SPOCK3: variants seen among roughly 807,000 people sequenced by gnomAD.
SPOCK3 encodes SPARC (osteonectin), cwcv and kazal like domains proteoglycan 3.
In SPOCK3, 30 loss-of-function variants were observed where a neutral mutation model predicts 56.6. The observed-to-expected ratio is 0.53, with a 90% CI of 0.40 to 0.72. The LOEUF (loss-of-function observed/expected upper bound fraction) is 0.72. Among genes scored for constraint, SPOCK3 ranks in the 30% least tolerant of loss-of-function variants. The pLI is 0.00. For synonymous variants in SPOCK3, 196 were observed against 183.3 expected (o/e 1.07, Z -0.56); for missense variants, 527 against 530.0 (o/e 0.99, Z 0.06).
At chr4:166,795,324 C>T (rs1741820087) in intron 6 of SPOCK3, among the ~76,000 whole-genome samples, 1 of 152,038 alleles carries the variant, frequency 6.6e-6, no homozygotes, top group South Asian at 2.1e-4. Context: ...ACTGTATAGT[C>T]GCATCCCAGA....
intron 7 of SPOCK3, among the ~76,000 whole-genome samples, chr4:166,767,275 G>A (rs1306934024): frequency 6.6e-6 from 1 of 152,136 alleles, no homozygotes; most frequent in African/African-American, 2.4e-5. Flanking sequence ...TTTTAATTGT[G>A]ATGTTAGGGT....
At chr4:167,029,528 T>C (rs1752060465) in intron 3 of SPOCK3, among the ~76,000 whole-genome samples, 1 of 152,070 alleles carries the variant, frequency 6.6e-6, no homozygotes, top group Non-Finnish European at 1.5e-5. Flanking sequence ...TTACATTTGC[T>C]TTAAGATTAT....
intron 6 of SPOCK3, among the ~76,000 whole-genome samples, chr4:166,869,570 A>G (rs2126939817): frequency 6.6e-6 from 1 of 151,982 alleles, no homozygotes; most frequent in East Asian, 1.9e-4. Context: ...ATAGCATTAT[A>G]CACCAGTACA....
rs569056117 is a variant in SPOCK3, at chr4:166,737,631, A to G, written c.995-27T>C. On this transcript the variant is annotated intron_variant, in intron 9 of 10. Transcript: ENST00000357545. ...TGTTGAAACAACACACAGGCATACA[A>G]ACACACACATGTAGTTTATGAATAA... The G allele has an allele frequency of 5.6e-6, 9 of 1,593,234 alleles. No homozygotes were observed. In the African/African-American group the frequency reaches 6.7e-5, roughly 12 times the overall value.
intron 2 of SPOCK3, among the ~76,000 whole-genome samples, chr4:167,095,102 C>A (rs1337833642): frequency 6.6e-6 from 1 of 152,066 alleles, no homozygotes; most frequent in Non-Finnish European, 1.5e-5. Context: ...ATAAGGCCCA[C>A]CCACATTGAG....
At chr4:167,037,063 T>C (rs1353115420) in intron 3 of SPOCK3, among the ~76,000 whole-genome samples, 3 of 152,148 alleles carry the variant, frequency 2.0e-5, no homozygotes, top group Non-Finnish European at 2.9e-5. Context: ...CAAAAGAGAT[T>C]GTAGAGTTGA....
At chr4:167,013,752 T>G (rs1750327421) in intron 3 of SPOCK3, among the ~76,000 whole-genome samples, 1 of 152,022 alleles carries the variant, frequency 6.6e-6, no homozygotes, top group Non-Finnish European at 1.5e-5. Context: ...AATATGGCGA[T>G]TTTGGCTTTG....
At chr4:167,098,264 CT>C (rs1166230596) in intron 2 of SPOCK3, among the ~76,000 whole-genome samples, 1 of 151,974 alleles carries the variant, frequency 6.6e-6, no homozygotes, top group Non-Finnish European at 1.5e-5. Flanking sequence ...CTATGAGAAC[CT>C]GCTGGAAATT....
chr4:167,014,657 A>AT (rs954926292), intron 3 of SPOCK3, among the ~76,000 whole-genome samples: 2 of 151,746 alleles, frequency 1.3e-5, no homozygotes, highest in Admixed American at 6.6e-5. Context: ...CCTGTTTTTA[A>AT]TTTTTTTTAA....
intron 6 of SPOCK3, among the ~76,000 whole-genome samples, chr4:166,839,543 C>A (rs1284376545): frequency 6.6e-6 from 1 of 152,024 alleles, no homozygotes; most frequent in East Asian, 1.9e-4. Flanking sequence ...AGGAGAGTCC[C>A]AGAACTGCCC....
intron 3 of SPOCK3, among the ~76,000 whole-genome samples, chr4:167,040,377 G>C (rs529563836): frequency 1.3e-5 from 2 of 152,310 alleles, no homozygotes; most frequent in East Asian, 3.9e-4. Context: ...GTTATTTCAT[G>C]TAACTTTAGG....
rs1159750199 is a variant in SPOCK3 at position 166,787,735 on chromosome 4, T to C, written c.709+4435A>G. ...GGCGAAAATGACTGGTTTTATATTA[T>C]TTAATAAAACATAGTGATGATTCTA... On this transcript the variant is annotated intron_variant, in intron 7 of 10. Transcript: ENST00000357545. Among the ~76,000 whole-genome samples the C allele has an allele frequency of 2.6e-5, 4 of 152,182 alleles. No homozygotes were observed. The East Asian group carries it at 7.7e-4, about 29-fold the overall frequency.
At chr4:167,144,723 G>GA (rs60489300) in intron 2 of SPOCK3, among the ~76,000 whole-genome samples, 104,655 of 141,868 alleles carry the variant, frequency 0.74, 39,207 homozygotes, top group African/African-American at 0.88. Flanking sequence ...AGATATCTAG[G>GA]AAAAAAAAAA....
intron 2 of SPOCK3, among the ~76,000 whole-genome samples, chr4:167,180,216 T>TA (rs1240506454): frequency 1.3e-4 from 19 of 152,000 alleles, no homozygotes; most frequent in Admixed American, 9.8e-4. Flanking sequence ...CTCAGGGTCT[T>TA]AAAAAAACCC....
At chr4:167,210,339 A>G (rs1348059154) in intron 2 of SPOCK3, among the ~76,000 whole-genome samples, 5 of 152,102 alleles carry the variant, frequency 3.3e-5, no homozygotes, top group South Asian at 2.1e-4. Context: ...ATCACCTCCC[A>G]CTACAGATGT....
chr4:166,839,624 G>A (rs1000467723), intron 6 of SPOCK3, among the ~76,000 whole-genome samples: 1 of 152,066 alleles, frequency 6.6e-6, no homozygotes, highest in Non-Finnish European at 1.5e-5. Context: ...CGAAAAACTA[G>A]GGAAAATCTC....
intron 8 of SPOCK3, among the ~76,000 whole-genome samples, chr4:166,751,925 A>G (rs2126475911): frequency 6.6e-6 from 1 of 152,320 alleles, no homozygotes; most frequent in Non-Finnish European, 1.5e-5. Context: ...TCATGATTTT[A>G]GAAAATTAGC....
intron 4 of SPOCK3, among the ~76,000 whole-genome samples, chr4:166,954,827 G>A (rs867601621): frequency 8.5e-5 from 13 of 152,176 alleles, no homozygotes; most frequent in East Asian, 5.8e-4. Context: ...TCCCCCACCC[G>A]CAGGTCCAGG....
intron 2 of SPOCK3, among the ~76,000 whole-genome samples, chr4:167,122,294 C>G (rs536343582): frequency 7.9e-5 from 12 of 152,198 alleles, no homozygotes; most frequent in Non-Finnish European, 1.3e-4. Flanking sequence ...GTAGCTGGGA[C>G]AGGCGTGAGC....
Sources: gnomAD v4.1 joint callset for allele counts (sites outside exome capture counted in the v4.1 genomes callset) on GRCh38, gnomAD v4.1.1 for gene constraint, MANE v1.5 for transcripts, NCBI Gene and HGNC (gene_info 2026-07-23, HGNC 2026-07-21) for gene names.